Variants in DPP6 observed in about 807,000 individuals in gnomAD.
DPP6 encodes dipeptidyl peptidase like 6, also known as A-type potassium channel modulatory protein DPP6.
A neutral mutation model predicts 122.6 loss-of-function variants in DPP6; 69 were observed. The observed-to-expected ratio is 0.56, with a 90% CI of 0.46 to 0.69. DPP6 has a LOEUF of 0.69. Among genes scored for constraint, DPP6 ranks in the 30% least tolerant of loss-of-function variants. DPP6 has a pLI of 0.00. For synonymous variants in DPP6, 418 were observed against 433.1 expected (o/e 0.97, Z 0.43); for missense variants, 928 against 1,116.9 (o/e 0.83, Z 2.41).
At chr7:154,249,409 A>G (rs1802205215) in intron 1 of DPP6, among the ~76,000 whole-genome samples, 1 of 152,256 alleles carries the variant, frequency 6.6e-6, no homozygotes. Context: ...CTGGGAGATA[A>G]TAAAATTGCT....
At position 154,365,571 on chromosome 7, in the gene DPP6, A is replaced by G. The variant is rs1170635165; in HGVS notation, c.244-80643A>G. The stretch of plus-strand genomic sequence containing the variant: ...CACAGCGTGGTCCATTTATGCTCAG[A>G]GTCCGCCAGGTGGCATGGACTTCAG... On this transcript the variant is annotated intron_variant, in intron 1 of 25. Transcript: ENST00000377770. Among the ~76,000 whole-genome samples, 6 of 152,234 alleles carry G rather than the reference A, an allele frequency of 3.9e-5. No homozygotes were observed. The East Asian group carries it at 1.2e-3, about 29-fold the overall frequency.
At chr7:154,268,338 G>A (rs547710105) in intron 1 of DPP6, among the ~76,000 whole-genome samples, 1 of 152,252 alleles carries the variant, frequency 6.6e-6, no homozygotes, top group African/African-American at 2.4e-5. Context: ...TATTGCTCAC[G>A]GTTCTGGAAC....
rs115888826 is a variant in DPP6, at chr7:154,207,040, G to A, written c.243+153977G>A. 5.9e-3 allele frequency among the ~76,000 whole-genome samples: 898 copies of A among 152,318 alleles called. 6 individuals carry two copies. The highest frequency in any genetic ancestry group is 0.02 in the African/African-American group (817 of 41,572). ...CTCCACGCTGGCCCCTTACATAGCT[G>A]GAGACACAAAAGTGGGGCCTTTGCG... On this transcript the variant is annotated intron_variant, in intron 1 of 25. Transcript: ENST00000377770.
intron 1 of DPP6, among the ~76,000 whole-genome samples, chr7:153,973,761 G>T (rs747211215): frequency 6.7e-5 from 10 of 150,334 alleles, no homozygotes; most frequent in Non-Finnish European, 1.2e-4. Flanking sequence ...ATTCTTCCTG[G>T]TGGTTCAGAA....
At chr7:154,451,062 G>A (rs1168328464) in intron 2 of DPP6, among the ~76,000 whole-genome samples, 1 of 152,092 alleles carries the variant, frequency 6.6e-6, no homozygotes, top group Non-Finnish European at 1.5e-5. Flanking sequence ...TGTCACGAGT[G>A]TCACTCAAGA....
chr7:154,737,164 A>C (rs889333785), intron 8 of DPP6, among the ~76,000 whole-genome samples: 4 of 152,200 alleles, frequency 2.6e-5, no homozygotes, highest in Admixed American at 2.6e-4. Flanking sequence ...TCTAAGTTTC[A>C]GTGAGTCTTT....
Position 154,760,291 on chromosome 7 carries a change from C to T in DPP6, c.884-9126C>T, listed in dbSNP as rs534738186. On this transcript the variant is annotated intron_variant, in intron 8 of 25. Coordinates refer to ENST00000377770, the MANE Select transcript of DPP6 (RefSeq NM_130797.4). The surrounding 1 kb of genome is among the most constrained non-coding windows in gnomAD (Gnocchi z 4.5). ...GAACGGGGAGGTTTGGAAAGTCCTT[C>T]AGCACACACAATTATTTCTTCACGA... 6.6e-6 allele frequency among the ~76,000 whole-genome samples: 1 copy of T among 152,230 alleles called. No homozygotes were observed. The highest frequency in any genetic ancestry group is 1.5e-5 in the Non-Finnish European group (1 of 68,026).
intron 1 of DPP6, among the ~76,000 whole-genome samples, chr7:153,926,535 G>T (rs1308710340): frequency 6.6e-6 from 1 of 152,126 alleles, no homozygotes; most frequent in Non-Finnish European, 1.5e-5. Flanking sequence ...AGATGGTACA[G>T]GTGTCAGAAG....
At chr7:154,419,799 A>T (rs1004069643) in intron 1 of DPP6, among the ~76,000 whole-genome samples, 1 of 152,158 alleles carries the variant, frequency 6.6e-6, no homozygotes, top group Non-Finnish European at 1.5e-5. Context: ...TTTTCTCATA[A>T]CAGCAGCACC....
chr7:154,649,440 G>A (rs1362033691), intron 6 of DPP6, among the ~76,000 whole-genome samples: 3 of 152,178 alleles, frequency 2.0e-5, no homozygotes, highest in African/African-American at 7.2e-5. Context: ...CCTTTAACTA[G>A]ATTCTAAAGT....
chr7:154,692,814 C>T (rs1306469802), intron 7 of DPP6, among the ~76,000 whole-genome samples: 2 of 147,974 alleles, frequency 1.4e-5, no homozygotes, highest in Non-Finnish European at 3.0e-5. Flanking sequence ...CAGGGTCTCA[C>T]TCTGTCATCC....
chr7:154,684,658 C>T (rs528402825), intron 7 of DPP6, among the ~76,000 whole-genome samples: 5 of 152,202 alleles, frequency 3.3e-5, no homozygotes, highest in Non-Finnish European at 7.3e-5. Context: ...ATTACCATGA[C>T]ACCGTGTTCA....
chr7:153,991,539 A>AT (rs1440859574), intron 1 of DPP6, among the ~76,000 whole-genome samples: 1 of 152,178 alleles, frequency 6.6e-6, no homozygotes, highest in Non-Finnish European at 1.5e-5. Context: ...CAGCAGGGAT[A>AT]TTTAGAGTCT....
chr7:154,889,539 C>A lies in DPP6; in HGVS notation c.2451+9C>A, dbSNP rs373530414. On this transcript the variant is annotated intron_variant, in intron 25 of 25. Transcript: ENST00000377770. ...CTAATTACAGCTTACAGGTACAGTACGCATGTTACTCTGTTTTGAACCTGG... is the reference window on the plus strand; with the variant it reads ...CTAATTACAGCTTACAGGTACAGTAAGCATGTTACTCTGTTTTGAACCTGG... The A allele has an allele frequency of 1.5e-4, 237 of 1,600,918 alleles. No individual in the cohort carries two copies. The highest frequency in any genetic ancestry group is 1.9e-4 in the Non-Finnish European group (226 of 1,174,338).
In DPP6 at chr7:154,255,563, C is replaced by T. The variant is rs117651100; in HGVS notation, c.244-190651C>T. 6.2e-3 allele frequency among the ~76,000 whole-genome samples: 934 copies of T among 151,680 alleles called. 5 individuals carry two copies. The highest frequency in any genetic ancestry group is 0.01 in the Admixed American group (156 of 15,270). ...AGGTGTTACCCTTGAACCAGGCAGA[C>T]GTGGGGGAGGCCCAGGCGTCTCATC... On this transcript the variant is annotated intron_variant, in intron 1 of 25. Transcript: ENST00000377770.
At chr7:154,467,927 T>C (rs948120627) in intron 2 of DPP6, among the ~76,000 whole-genome samples, 2 of 152,218 alleles carry the variant, frequency 1.3e-5, no homozygotes, top group Non-Finnish European at 2.9e-5. Flanking sequence ...CTTTTGATCT[T>C]TCAAGGTATT....
In DPP6 at chr7:154,052,977, C is replaced by A; in HGVS notation, c.157C>A (p.Pro53Thr). ...CGGCCCGCGGGCGCAGGCGGCGGCGCCCCGGGAGCGCGGCGGCGGCGGCGG... is the reference window on the plus strand; with the variant it reads ...CGGCCCGCGGGCGCAGGCGGCGGCGACCCGGGAGCGCGGCGGCGGCGGCGG... Reference protein sequence around the residue: ...PLGPRAQAAAPRERGGGGGGA... With the variant: ...PLGPRAQAAATRERGGGGGGA... The change falls in exon 1 of 26, where the codon CCC (proline) becomes ACC (threonine). Residue 53 changes from proline (P) to threonine (T), a missense_variant. Physicochemically the swap from Pro to Thr is conservative, Grantham distance 38. Transcript: ENST00000377770. The surrounding 1 kb of genome is among the most constrained non-coding windows in gnomAD (Gnocchi z 4.8). The A allele has an allele frequency of 1.8e-6, 2 of 1,095,956 alleles. No individual in the cohort carries two copies. Among genetic ancestry groups the A allele is most frequent in the Non-Finnish European group, 2.2e-6 (2 of 902,318 alleles). 67.9% of individuals were successfully genotyped at this position (1,095,956 alleles called of 1,614,324 possible).
At chr7:153,910,319 T>G (rs534157787) in intron 1 of DPP6, among the ~76,000 whole-genome samples, 25 of 150,870 alleles carry the variant, frequency 1.7e-4, no homozygotes, top group Non-Finnish European at 2.2e-4. Context: ...AACCTCTGCC[T>G]CCTGCGTTCA....
chr7:154,055,019 G>A (rs180941811), intron 1 of DPP6, among the ~76,000 whole-genome samples: 1 of 151,636 alleles, frequency 6.6e-6, no homozygotes, highest in Admixed American at 6.6e-5. Context: ...AAACAAATCA[G>A]GGATATAACA....
Sources: allele counts gnomAD v4.1 joint callset (sites outside exome capture counted in the v4.1 genomes callset), GRCh38; gene constraint gnomAD v4.1.1; non-coding constraint Gnocchi (gnomAD v3.1); transcripts MANE v1.5; gene names NCBI Gene and HGNC (gene_info 2026-07-23, HGNC 2026-07-21).